The following DOCK2 variants were observed in gnomAD, a reference collection of about 807,000 sequenced individuals.
DOCK2 encodes dedicator of cytokinesis protein 2.
Under a neutral mutation model 248.9 loss-of-function variants are expected in DOCK2, and 87 were observed. The ratio of observed to expected loss-of-function variants is 0.35; its 90% CI spans 0.29 to 0.42. DOCK2 has a LOEUF of 0.42. Ranked by LOEUF, DOCK2 falls within the 10% of genes least tolerant of loss-of-function variation. The probability of loss-of-function intolerance (pLI) is 1.00; values close to 1 mark genes in which losing one functional copy is unlikely to be tolerated. For synonymous variants in DOCK2, 805 were observed against 821.6 expected (o/e 0.98, Z 0.35); for missense variants, 1,747 against 2,300.2 (o/e 0.76, Z 4.92).
chr5:170,005,586 G>C (rs938165269), intron 30 of DOCK2, among the ~76,000 whole-genome samples: 1 of 152,198 alleles, frequency 6.6e-6, no homozygotes, highest in African/African-American at 2.4e-5. Flanking sequence ...GTGGGGAGAA[G>C]AGGGACTGAC....
In DOCK2 at chr5:169,793,466, G is replaced by A. The variant is rs114907319; in HGVS notation, c.2555-9592G>A. Reference sequence around the variant, plus strand: ...CTGCTTACTAGCTGTGTGATTTTAGGCAAGTTACTGAACCTCTCTAGGCTT... The same window carrying A: ...CTGCTTACTAGCTGTGTGATTTTAGACAAGTTACTGAACCTCTCTAGGCTT... On this transcript the variant is annotated intron_variant, in intron 25 of 51. Coordinates refer to ENST00000520908, the MANE Select transcript of DOCK2 (RefSeq NM_004946.3). Among the ~76,000 whole-genome samples, 340 of 152,184 alleles carry A rather than the reference G, an allele frequency of 2.2e-3. 1 individual carries two copies. The highest frequency in any genetic ancestry group is 7.7e-3 in the African/African-American group (320 of 41,520).
In DOCK2 at chr5:169,671,193, C is replaced by T. The variant is rs368260907; in HGVS notation, c.321+19C>T. 28 of 1,598,740 alleles carry T rather than the reference C, an allele frequency of 1.8e-5. No individual in the cohort carries two copies. Among genetic ancestry groups the T allele is most frequent in the South Asian group, 1.4e-4 (13 of 90,090 alleles). On this transcript the variant is annotated intron_variant, in intron 5 of 51. Coordinates refer to ENST00000520908, the MANE Select transcript of DOCK2 (RefSeq NM_004946.3). ...CTATGTGGTGAGACTCAGAACTCTG[C>T]TCCCTGAGTTGGAAGCTTCTTGCAA... is the stretch of plus-strand genomic sequence containing the variant.
intron 1 of DOCK2, 134 bp from the exon 2 acceptor site, chr5:169,654,267 GGT>G: frequency 2.3e-6 from 2 of 870,216 alleles, no homozygotes; most frequent in Non-Finnish European, 3.5e-6. Flanking sequence ...GCAGGCAATA[GGT>G]TTCTGTGTTG....
At chr5:169,944,057 A>G (rs1181293107) in intron 27 of DOCK2, among the ~76,000 whole-genome samples, 1 of 152,212 alleles carries the variant, frequency 6.6e-6, no homozygotes, top group Non-Finnish European at 1.5e-5. Context: ...AGTGCTGACC[A>G]TGTGCCAGGA....
At position 169,706,176 on chromosome 5, in the gene DOCK2, T is replaced by A. The variant is rs537071856; in HGVS notation, c.1384-1993T>A. On this transcript the variant is annotated intron_variant, in intron 14 of 51. Coordinates refer to ENST00000520908, the MANE Select transcript of DOCK2 (RefSeq NM_004946.3). ...TTCTCCAGCCTTAGGAAATCAAAAA[T>A]TTTCATCATCAGTACAGTTTTGTGA... Among the ~76,000 whole-genome samples the A allele has an allele frequency of 2.0e-5, 3 of 152,352 alleles. No homozygotes were observed. The East Asian group carries it at 5.8e-4, about 29-fold the overall frequency.
intron 26 of DOCK2, among the ~76,000 whole-genome samples, chr5:169,833,829 T>C (rs1561746437): frequency 6.6e-6 from 1 of 152,230 alleles, no homozygotes; most frequent in Non-Finnish European, 1.5e-5. Context: ...ACAATTCTTA[T>C]TTGTGAAATC....
chr5:170,082,660 G>T, intron 51 of DOCK2, 136 bp from the exon 52 acceptor site: 1 of 1,113,376 alleles, frequency 9.0e-7, no homozygotes, highest in Non-Finnish European at 1.3e-6. Flanking sequence ...AAAGCCAAGG[G>T]CATAGCAGCT....
intron 32 of DOCK2, 87 bp from the exon 33 acceptor site, chr5:170,018,873 C>T (rs1755624572): frequency 1.3e-6 from 2 of 1,496,632 alleles, no homozygotes; most frequent in Admixed American, 4.2e-5. Flanking sequence ...ATTATGCTTC[C>T]CTTTTTTTCT....
intron 27 of DOCK2, among the ~76,000 whole-genome samples, chr5:169,889,574 G>A (rs1773167668): frequency 6.6e-6 from 1 of 152,202 alleles, no homozygotes; most frequent in Non-Finnish European, 1.5e-5. Flanking sequence ...TTACATAACA[G>A]GGTGCTTTAC....
intron 27 of DOCK2, among the ~76,000 whole-genome samples, chr5:169,907,131 G>A (rs1276271025): frequency 2.0e-5 from 3 of 152,110 alleles, no homozygotes; most frequent in Admixed American, 6.6e-5. Flanking sequence ...AGATATGGCC[G>A]GGGATGCATC....
At chr5:169,765,212 G>C (rs1218850278) in intron 25 of DOCK2, among the ~76,000 whole-genome samples, 1 of 152,116 alleles carries the variant, frequency 6.6e-6, no homozygotes, top group Non-Finnish European at 1.5e-5. Flanking sequence ...CTTAATTTCT[G>C]CATCTGTAAA....
At chr5:169,905,531 G>A (rs1282791737) in intron 27 of DOCK2, among the ~76,000 whole-genome samples, 1 of 152,164 alleles carries the variant, frequency 6.6e-6, no homozygotes, top group Admixed American at 6.5e-5. Flanking sequence ...ACAGTTTGTG[G>A]CAAAATAATT....
At chr5:169,917,284 C>T (rs956471425) in intron 27 of DOCK2, among the ~76,000 whole-genome samples, 3 of 152,194 alleles carry the variant, frequency 2.0e-5, no homozygotes, top group Non-Finnish European at 4.4e-5. Flanking sequence ...TATAATTGCT[C>T]ATCTCCCATG....
intron 25 of DOCK2, among the ~76,000 whole-genome samples, chr5:169,776,107 C>G (rs1765367645): frequency 2.0e-5 from 3 of 149,364 alleles, no homozygotes; most frequent in South Asian, 2.1e-4. Flanking sequence ...TTCTTCCTCT[C>G]TTTTGTATCA....
chr5:169,743,243 G>A (rs1040737867), intron 22 of DOCK2, among the ~76,000 whole-genome samples: 3 of 152,158 alleles, frequency 2.0e-5, no homozygotes, highest in African/African-American at 7.2e-5. Flanking sequence ...AAACCCTTAT[G>A]AATTTTTTTC....
At chr5:169,945,959 G>A (rs1038306782) in intron 27 of DOCK2, among the ~76,000 whole-genome samples, 1 of 152,158 alleles carries the variant, frequency 6.6e-6, no homozygotes, top group African/African-American at 2.4e-5. Context: ...CACATGAGCA[G>A]GCCAGGCAGG....
intron 2 of DOCK2, among the ~76,000 whole-genome samples, chr5:169,665,430 ATATACACATG>A (rs1758665561): frequency 2.9e-5 from 2 of 68,120 alleles, no homozygotes; most frequent in Admixed American, 1.2e-4. Flanking sequence ...ATTTATATGT[ATATACACATG>A]TTTATATGTA....
intron 30 of DOCK2, 45 bp from the exon 31 acceptor site, chr5:170,008,452 G>T: frequency 6.2e-7 from 1 of 1,605,228 alleles, no homozygotes; most frequent in Non-Finnish European, 8.5e-7. Context: ...ATGCCTTCCC[G>T]CTTCAGACCC....
chr5:169,803,867 A>G (rs942753634), intron 26 of DOCK2, among the ~76,000 whole-genome samples: 2 of 152,106 alleles, frequency 1.3e-5, no homozygotes, highest in Admixed American at 6.5e-5. Context: ...ACTGAGAGGT[A>G]GTGATTAGAC....
Sources: gnomAD v4.1 joint callset for allele counts (sites outside exome capture counted in the v4.1 genomes callset) on GRCh38, gnomAD v4.1.1 for gene constraint, MANE v1.5 for transcripts, NCBI Gene and HGNC (gene_info 2026-07-23, HGNC 2026-07-21) for gene names.